PKP2: variants seen among roughly 807,000 people sequenced by gnomAD.
PKP2 encodes plakophilin-2.
In PKP2, 73 loss-of-function variants were observed where a neutral mutation model predicts 83.4. The observed-to-expected ratio is 0.88, with a 90% CI of 0.72 to 1.06. The LOEUF (loss-of-function observed/expected upper bound fraction) is 1.06, where lower values mean the gene tolerates loss of function less well. PKP2 is among the 50% of genes least tolerant of loss of function. The pLI is 0.00. For missense variants in PKP2, 966 were observed against 1,065.4 expected, an observed-to-expected ratio of 0.91 and a Z score of 1.30; for synonymous variants, 409 against 430.4, an observed-to-expected ratio of 0.95 and a Z score of 0.62.
Position 32,796,147 on chromosome 12 carries a change from C to A in PKP2, c.2319G>T (p.Gly773=). 1 of 1,614,026 alleles carries A rather than the reference C, an allele frequency of 6.2e-7. No individual in the cohort carries two copies. The highest frequency in any genetic ancestry group is 1.1e-5 in the South Asian group (1 of 91,074). ...YQNARDLLNT[G]GIQKIMAISA... ...TAATGGCCATAATTTTCTGGATGCC[C>A]CCGGTGTTTAGAAGGTCGCGTGCAT... Residue 773 remains glycine, a synonymous_variant, in exon 11 of 13, where the codon GGG becomes GGT. Transcript: ENST00000340811.
chr12:32,796,157 A>G lies in PKP2; in HGVS notation c.2309T>C (p.Leu770Pro), dbSNP rs1177059620. The G allele has an allele frequency of 6.2e-7, 1 of 1,614,128 alleles. No homozygotes were observed. The highest frequency in any genetic ancestry group is 2.2e-5 in the East Asian group (1 of 44,876). Residue 770 changes from leucine to proline, a missense_variant, in exon 11 of 13, where the codon CTA becomes CCA. Physicochemically the swap from Leu to Pro is moderately conservative, Grantham distance 98. Coordinates refer to ENST00000340811, the MANE Select transcript of PKP2 (RefSeq NM_001005242.3). Reference sequence around the variant, plus strand: ...AATTTTCTGGATGCCCCCGGTGTTTAGAAGGTCGCGTGCATTCTGGTAACT... The same window carrying G: ...AATTTTCTGGATGCCCCCGGTGTTTGGAAGGTCGCGTGCATTCTGGTAACT... ...QNSYQNARDL[L>P]NTGGIQKIMA...
intron 4 of PKP2, among the ~76,000 whole-genome samples, chr12:32,865,904 T>C (rs1419385164): frequency 1.3e-5 from 2 of 152,012 alleles, no homozygotes; most frequent in Admixed American, 6.6e-5. Context: ...AAATGGACCA[T>C]AGAACAACTA....
At chr12:32,893,608 T>A (rs1336539783) in intron 1 of PKP2, 4 of 152,336 alleles carry the variant, frequency 2.6e-5, no homozygotes, top group South Asian at 4.1e-4. Context: ...TGATTTGTAC[T>A]TCTGTGTAGG....
chr12:32,825,467 G>A (rs147801257), intron 6 of PKP2, among the ~76,000 whole-genome samples: 2,355 of 152,192 alleles, frequency 0.015, 26 homozygotes, highest in Non-Finnish European at 0.025. Flanking sequence ...TACCACGCCT[G>A]GCCCAGATCA....
At chr12:32,862,929 G>A (rs117223218) in intron 4 of PKP2, among the ~76,000 whole-genome samples, 2,302 of 152,272 alleles carry the variant, frequency 0.015, 25 homozygotes, top group African/African-American at 0.018. Flanking sequence ...AACACGAAAG[G>A]TGGAGGTTGC....
rs540444948 is a variant in PKP2, at chr12:32,825,335, A to AT, written c.1557-1174dup. Among the ~76,000 whole-genome samples the AT allele has an allele frequency of 2.4e-4, 37 of 151,770 alleles. No individual in the cohort carries two copies. The East Asian group carries it at 5.9e-3, about 24-fold the overall frequency. On this transcript the variant is annotated intron_variant, in intron 6 of 12. Coordinates refer to ENST00000340811, the MANE Select transcript of PKP2 (RefSeq NM_001005242.3). ...AGGCGTGCGTCACTATGCCCAGCTA[A>AT]TTTTTGTATTTTTAGTAGAGACGGG...
intron 1 of PKP2, among the ~76,000 whole-genome samples, chr12:32,879,578 C>T (rs187946858): frequency 6.6e-6 from 1 of 151,498 alleles, no homozygotes; most frequent in African/African-American, 2.4e-5. Context: ...CCTGTAATCC[C>T]AGAACTTTGA....
In PKP2 at chr12:32,792,641, T is replaced by C. The variant is rs1956080399; in HGVS notation, c.2445+3A>G. ...ATGACACATTCCTTGTTCATGTTCT[T>C]ACCTTCTTGTAGGCATGATGCAGTT... On this transcript the variant is annotated splice_donor_region_variant and intron_variant, in intron 12 of 12. Transcript: ENST00000340811. The C allele has an allele frequency of 1.2e-6, 2 of 1,612,304 alleles. No homozygotes were observed. Among genetic ancestry groups the C allele is most frequent in the Non-Finnish European group, 1.7e-6 (2 of 1,178,296 alleles).
chr12:32,835,845 G>T (rs1011789660), intron 6 of PKP2, among the ~76,000 whole-genome samples: 2 of 152,200 alleles, frequency 1.3e-5, no homozygotes, highest in South Asian at 2.1e-4. Flanking sequence ...TTTTAGAGAT[G>T]GGTCCATGTA....
chr12:32,885,547 G>C (rs920017357), intron 1 of PKP2, among the ~76,000 whole-genome samples: 2 of 151,950 alleles, frequency 1.3e-5, no homozygotes, highest in South Asian at 4.2e-4. Flanking sequence ...TGTGCTGTTG[G>C]GCACCTGTAA....
At chr12:32,893,080 T>A (rs183910537) in intron 1 of PKP2, among the ~76,000 whole-genome samples, 786 of 152,180 alleles carry the variant, frequency 5.2e-3, no homozygotes, top group South Asian at 0.02. Context: ...AGTCACTGAG[T>A]GATTTACAAT....
intron 1 of PKP2, among the ~76,000 whole-genome samples, chr12:32,879,505 C>T (rs1342879263): frequency 6.6e-6 from 1 of 152,070 alleles, no homozygotes; most frequent in African/African-American, 2.4e-5. Context: ...GCACTCCAGC[C>T]TGGGCAACAA....
intron 9 of PKP2, among the ~76,000 whole-genome samples, chr12:32,814,581 G>A (rs890064512): frequency 1.3e-5 from 2 of 151,896 alleles, no homozygotes; most frequent in Non-Finnish European, 2.9e-5. Flanking sequence ...ATTCTCTCCT[G>A]TCTTAAATTT....
intron 1 of PKP2, among the ~76,000 whole-genome samples, chr12:32,895,497 AG>A (rs1425077599): frequency 6.6e-6 from 1 of 152,230 alleles, no homozygotes; most frequent in East Asian, 1.9e-4. Flanking sequence ...TGAACGTTGC[AG>A]GAAACAGATA....
Position 32,872,266 on chromosome 12 carries a change from C to T in PKP2, c.1035-3204G>A, listed in dbSNP as rs376667248. 3.3e-5 allele frequency among the ~76,000 whole-genome samples: 5 copies of T among 152,120 alleles called. No individual in the cohort carries two copies. The East Asian group carries it at 5.8e-4, about 18-fold the overall frequency. ...CAGTAACTTGGCCGGGCGGTGGTGG[C>T]TCATACCTGTAATTCCAGCACTTTG... On this transcript the variant is annotated intron_variant, in intron 3 of 12. Transcript: ENST00000340811.
At chr12:32,795,126 A>G (rs939890878) in intron 11 of PKP2, among the ~76,000 whole-genome samples, 5 of 152,274 alleles carry the variant, frequency 3.3e-5, no homozygotes, top group Middle Eastern at 3.4e-3. Context: ...CCCCTTTCCA[A>G]TCTCATCACT....
At chr12:32,888,794 C>CTTT (rs35583236) in intron 1 of PKP2, among the ~76,000 whole-genome samples, 12 of 136,974 alleles carry the variant, frequency 8.8e-5, no homozygotes, top group African/African-American at 2.4e-4. Context: ...CGCCCGGCCT[C>CTTT]TTTTTTTTTT....
intron 1 of PKP2, among the ~76,000 whole-genome samples, chr12:32,888,860 A>G (rs2137985606): frequency 6.7e-6 from 1 of 148,466 alleles, no homozygotes; most frequent in South Asian, 2.1e-4. Flanking sequence ...GTGCATTCAG[A>G]GCTCACTGCA....
At chr12:32,861,783 A>G (rs2137896914) in intron 4 of PKP2, among the ~76,000 whole-genome samples, 1 of 152,372 alleles carries the variant, frequency 6.6e-6, no homozygotes. Flanking sequence ...TCTTAAAAGC[A>G]GCCAGAGGTG....
Sources: gnomAD v4.1 joint callset for allele counts (sites outside exome capture counted in the v4.1 genomes callset) on GRCh38, gnomAD v4.1.1 for gene constraint, MANE v1.5 for transcripts, NCBI Gene and HGNC (gene_info 2026-07-23, HGNC 2026-07-21) for gene names.